NRG1: variants seen among roughly 807,000 people sequenced by gnomAD.
NRG1 encodes the protein pro-neuregulin-1, membrane-bound isoform.
Under a neutral mutation model 63.8 loss-of-function variants are expected in NRG1, and 18 were observed. The ratio of observed to expected loss-of-function variants is 0.28; its 90% confidence interval spans 0.19 to 0.42. NRG1 has a LOEUF of 0.42. NRG1 is among the 10% of genes least tolerant of loss of function. NRG1 has a pLI of 1.00. For synonymous variants in NRG1, 302 were observed against 301.3 expected (o/e 1.00, Z -0.02); for missense variants, 762 against 814.7 (o/e 0.94, Z 0.79).
At chr8:32,040,768 TGCGC>T in intron 1 of NRG1, among the ~76,000 whole-genome samples, 1 of 124,598 alleles carries the variant, frequency 8.0e-6, no homozygotes, top group Middle Eastern at 4.3e-3. Context: ...TATATATATA[TGCGC>T]CTAAATTTCA....
intron 3 of NRG1, among the ~76,000 whole-genome samples, chr8:32,610,044 T>A (rs949629784): frequency 6.6e-6 from 1 of 152,180 alleles, no homozygotes; most frequent in Admixed American, 6.5e-5. Flanking sequence ...GTCAAACTAT[T>A]ACATTATGTA....
chr8:32,385,098 C>A (rs565645963), intron 1 of NRG1, among the ~76,000 whole-genome samples: 1 of 152,330 alleles, frequency 6.6e-6, no homozygotes, highest in East Asian at 1.9e-4. Context: ...CTGCTCACTG[C>A]AAGCTCCGCC....
chr8:31,922,773 C>T (rs1256751902), intron 1 of NRG1, among the ~76,000 whole-genome samples: 2 of 152,082 alleles, frequency 1.3e-5, no homozygotes, highest in African/African-American at 4.8e-5. Flanking sequence ...CAACATCCAT[C>T]AAAGAGTTTT....
intron 1 of NRG1, among the ~76,000 whole-genome samples, chr8:31,721,689 T>C (rs1812934405): frequency 6.6e-6 from 1 of 152,158 alleles, no homozygotes; most frequent in Non-Finnish European, 1.5e-5. Context: ...TTCCTTCTTC[T>C]TACTTTTGCC....
intron 1 of NRG1, among the ~76,000 whole-genome samples, chr8:32,326,689 T>C (rs1802068686): frequency 6.6e-6 from 1 of 152,090 alleles, no homozygotes; most frequent in African/African-American, 2.4e-5. Flanking sequence ...TACATTTTAC[T>C]ATAGCAACTA....
At chr8:31,904,153 A>C (rs951653442) in intron 1 of NRG1, among the ~76,000 whole-genome samples, 1 of 152,194 alleles carries the variant, frequency 6.6e-6, no homozygotes, top group Non-Finnish European at 1.5e-5. Context: ...ATGTTGCTAA[A>C]GGCCATATCA....
At chr8:31,830,354 CT>C (rs1825006537) in intron 1 of NRG1, among the ~76,000 whole-genome samples, 1 of 82,448 alleles carries the variant, frequency 1.2e-5, no homozygotes, top group South Asian at 5.1e-4. Flanking sequence ...TCCTTCCTTC[CT>C]TCCTTCCCTC....
intron 1 of NRG1, among the ~76,000 whole-genome samples, chr8:31,791,746 C>T (rs10464808): frequency 0.2 from 31,099 of 152,100 alleles, 4,329 homozygotes; most frequent in East Asian, 0.64. Context: ...TCATGGCTGC[C>T]CGGGCAGTGT....
chr8:31,922,883 A>T (rs1292041567), intron 1 of NRG1, among the ~76,000 whole-genome samples: 1 of 152,202 alleles, frequency 6.6e-6, no homozygotes, highest in Non-Finnish European at 1.5e-5. Context: ...GGAGGAAAAA[A>T]AAGGAAGTAA....
chr8:31,855,619 G>A (rs979504765), intron 1 of NRG1, among the ~76,000 whole-genome samples: 8 of 152,138 alleles, frequency 5.3e-5, no homozygotes, highest in South Asian at 2.1e-4. Context: ...TACATTTAAA[G>A]TTAATATTGT....
intron 1 of NRG1, among the ~76,000 whole-genome samples, chr8:32,344,144 C>T (rs1341041871): frequency 2.0e-5 from 3 of 152,148 alleles, no homozygotes; most frequent in East Asian, 1.9e-4. Context: ...AGCTCCTCTT[C>T]GGAATATAGG....
At chr8:31,925,762 A>C (rs1429356692) in intron 1 of NRG1, among the ~76,000 whole-genome samples, 4 of 152,124 alleles carry the variant, frequency 2.6e-5, no homozygotes, top group African/African-American at 9.7e-5. Flanking sequence ...TAGGTTTTAA[A>C]TTCAATTATA....
At chr8:32,034,150 T>C (rs557553371) in intron 1 of NRG1, among the ~76,000 whole-genome samples, 1 of 152,228 alleles carries the variant, frequency 6.6e-6, no homozygotes, top group Non-Finnish European at 1.5e-5. Flanking sequence ...TTGAGAGTTT[T>C]TAACATGAAG....
intron 1 of NRG1, among the ~76,000 whole-genome samples, chr8:31,721,951 G>A (rs1387497963): frequency 6.6e-6 from 1 of 152,036 alleles, no homozygotes; most frequent in Non-Finnish European, 1.5e-5. Context: ...ATTGCTGCAA[G>A]AGACTACCAA....
At chr8:31,760,835 C>G (rs1563369687) in intron 1 of NRG1, among the ~76,000 whole-genome samples, 1 of 152,130 alleles carries the variant, frequency 6.6e-6, no homozygotes, top group Non-Finnish European at 1.5e-5. Context: ...GAAATAGGAA[C>G]ACTTTTACAC....
At position 31,650,436 on chromosome 8, in the gene NRG1, T is replaced by TGCA. The variant is rs761542344; in HGVS notation, c.37+11005_37+11006insGCA. Among the ~76,000 whole-genome samples, 57 of 152,286 alleles carry TGCA rather than the reference T, an allele frequency of 3.7e-4. No individual in the cohort carries two copies. In the Middle Eastern group the frequency reaches 0.01, roughly 27 times the overall value. On this transcript the variant is annotated intron_variant, in intron 1 of 10. Transcript: ENST00000519301. ...TGAACACTTCATCCACTCTGACTGC[T>TGCA]CCCTGAACAGGCCAGGCACTTTCCT...
At chr8:32,618,123 G>T (rs977137626) in intron 5 of NRG1, among the ~76,000 whole-genome samples, 2 of 151,546 alleles carry the variant, frequency 1.3e-5, no homozygotes, top group Admixed American at 6.6e-5. Flanking sequence ...TGTGCTATTT[G>T]TTTTTTAATT....
intron 1 of NRG1, among the ~76,000 whole-genome samples, chr8:32,413,060 A>G (rs1046377778): frequency 2.0e-5 from 3 of 152,184 alleles, no homozygotes; most frequent in Non-Finnish European, 4.4e-5. Flanking sequence ...TGTTTGATTC[A>G]CATTCTCCTA....
chr8:31,933,890 A>C (rs1178254160), intron 1 of NRG1, among the ~76,000 whole-genome samples: 3 of 152,126 alleles, frequency 2.0e-5, no homozygotes, highest in Non-Finnish European at 2.9e-5. Flanking sequence ...ATTTTATAAT[A>C]CCAACCAGAA....
Sources: allele counts gnomAD v4.1 joint callset (sites outside exome capture counted in the v4.1 genomes callset), GRCh38; gene constraint gnomAD v4.1.1; transcripts MANE v1.5; gene names NCBI Gene and HGNC (gene_info 2026-07-23, HGNC 2026-07-21).